The following TMEM132D variants were observed in gnomAD, a reference collection of about 807,000 sequenced individuals.
TMEM132D encodes transmembrane protein 132D.
Under a neutral mutation model 62.3 loss-of-function variants are expected in TMEM132D, and 21 were observed. The ratio of observed to expected loss-of-function variants is 0.34; its 90% confidence interval spans 0.24 to 0.49. The LOEUF (loss-of-function observed/expected upper bound fraction) is 0.49, where lower values mean the gene tolerates loss of function less well. Ranked by LOEUF, TMEM132D falls within the 20% of genes least tolerant of loss-of-function variation. The probability of loss-of-function intolerance (pLI) is 0.99; values close to 1 mark genes in which losing one functional copy is unlikely to be tolerated. For synonymous variants in TMEM132D, 621 were observed against 575.6 expected (o/e 1.08, Z -1.13); for missense variants, 1,346 against 1,402.8 (o/e 0.96, Z 0.65).
At chr12:129,201,814 G>C (rs1878711413) in intron 5 of TMEM132D, among the ~76,000 whole-genome samples, 1 of 152,012 alleles carries the variant, frequency 6.6e-6, no homozygotes, top group Admixed American at 6.6e-5. Context: ...GGAAGAGAGG[G>C]GATGTTCCGG....
At chr12:129,262,747 T>A (rs1420104388) in intron 4 of TMEM132D, 2 of 152,224 alleles carry the variant, frequency 1.3e-5, no homozygotes, top group Non-Finnish European at 2.9e-5. Flanking sequence ...TCTTTATTGC[T>A]ACTTTCAGCA....
intron 1 of TMEM132D, among the ~76,000 whole-genome samples, chr12:129,836,546 G>A (rs1873011509): frequency 6.6e-6 from 1 of 151,986 alleles, no homozygotes; most frequent in African/African-American, 2.4e-5. Context: ...CCCGAATACT[G>A]AGAGAATGTC....
chr12:129,397,189 A>T (rs761287316), intron 3 of TMEM132D, among the ~76,000 whole-genome samples: 2 of 152,212 alleles, frequency 1.3e-5, no homozygotes, highest in Non-Finnish European at 2.9e-5. Context: ...CTCTCTCAGA[A>T]CATCTCAACA....
intron 1 of TMEM132D, among the ~76,000 whole-genome samples, chr12:129,825,803 C>T (rs1872648400): frequency 6.6e-6 from 1 of 152,190 alleles, no homozygotes; most frequent in African/African-American, 2.4e-5. Context: ...GTGGCTCACG[C>T]CTCTGATTCC....
chr12:129,297,658 C>T (rs1188558805), intron 4 of TMEM132D, among the ~76,000 whole-genome samples: 6 of 152,142 alleles, frequency 3.9e-5, no homozygotes, highest in South Asian at 4.1e-4. Flanking sequence ...TACTTATCTG[C>T]GGCCAGGGCA....
rs1012569187 is a variant in TMEM132D, at chr12:129,099,802, CTTTATTTTTT to C, written c.1444-15110_1444-15101del. Among the ~76,000 whole-genome samples the C allele has an allele frequency of 4.7e-5, 6 of 127,666 alleles. 1 individual carries two copies. The highest frequency in any genetic ancestry group is 1.1e-4 in the African/African-American group (3 of 27,350). 83.8% of individuals were successfully genotyped at this position (127,666 alleles called of 152,430 possible). A position where few individuals can be genotyped will look rare whatever the true frequency, so the allele number is the denominator to read the frequency against. On this transcript the variant is annotated intron_variant, in intron 5 of 8. Coordinates refer to ENST00000422113, the MANE Select transcript of TMEM132D (RefSeq NM_133448.3). ...CCATTAAAAGTGGGAGCGAAACCCA[CTTTATTTTTT>C]TTTATTTTTTTTATTTTTATTTTTA...
At chr12:129,398,385 G>A (rs887006158) in intron 3 of TMEM132D, among the ~76,000 whole-genome samples, 1 of 152,318 alleles carries the variant, frequency 6.6e-6, no homozygotes, top group Admixed American at 6.5e-5. Flanking sequence ...GTCTAAAACT[G>A]TAGGGAGCAG....
intron 1 of TMEM132D, among the ~76,000 whole-genome samples, chr12:129,901,274 A>C (rs1430349693): frequency 6.6e-6 from 1 of 152,252 alleles, no homozygotes; most frequent in African/African-American, 2.4e-5. Context: ...AGAGAATCTT[A>C]GAGGGAGGTG....
intron 5 of TMEM132D, among the ~76,000 whole-genome samples, chr12:129,192,329 G>T (rs1333586001): frequency 2.6e-5 from 4 of 152,182 alleles, no homozygotes; most frequent in Non-Finnish European, 4.4e-5. Flanking sequence ...TCCAAAGTAA[G>T]AAGTGTATCA....
chr12:129,344,066 C>A (rs1026036604), intron 3 of TMEM132D, among the ~76,000 whole-genome samples: 4 of 152,206 alleles, frequency 2.6e-5, no homozygotes, highest in Non-Finnish European at 5.9e-5. Context: ...CTAGGGTGGA[C>A]GCCTTCCTCC....
intron 3 of TMEM132D, among the ~76,000 whole-genome samples, chr12:129,435,361 G>T (rs564286943): frequency 6.6e-6 from 1 of 152,168 alleles, no homozygotes; most frequent in African/African-American, 2.4e-5. Context: ...GATCTTACGG[G>T]CATACCATTT....
intron 3 of TMEM132D, among the ~76,000 whole-genome samples, chr12:129,410,856 A>G (rs1871948719): frequency 6.6e-6 from 1 of 152,218 alleles, no homozygotes. Context: ...TGACACCTTC[A>G]TGATATTAAG....
At chr12:129,741,617 G>A (rs1869611658) in intron 1 of TMEM132D, among the ~76,000 whole-genome samples, 1 of 152,184 alleles carries the variant, frequency 6.6e-6, no homozygotes, top group Admixed American at 6.5e-5. Flanking sequence ...AAGGGAAGAA[G>A]TGACCTCACT....
At chr12:129,401,876 AT>A (rs1246973694) in intron 3 of TMEM132D, among the ~76,000 whole-genome samples, 1 of 152,184 alleles carries the variant, frequency 6.6e-6, no homozygotes, top group Non-Finnish European at 1.5e-5. Context: ...ACGTGTAAAG[AT>A]TTGAATTGAT....
In TMEM132D at chr12:129,241,573, A is replaced by G. The variant is rs115760840; in HGVS notation, c.1300-31910T>C. ...TGGTTCCCTCCCATTCATCCTTTACATCTCTGATTAAGCACCACTTCCTTG... is the reference window on the plus strand; with the variant it reads ...TGGTTCCCTCCCATTCATCCTTTACGTCTCTGATTAAGCACCACTTCCTTG... On this transcript the variant is annotated intron_variant, in intron 4 of 8. Coordinates refer to ENST00000422113, the MANE Select transcript of TMEM132D (RefSeq NM_133448.3). 4.4e-3 allele frequency among the ~76,000 whole-genome samples: 662 copies of G among 152,174 alleles called. 4 individuals carry two copies. The highest frequency in any genetic ancestry group is 0.015 in the African/African-American group (631 of 41,522).
intron 5 of TMEM132D, among the ~76,000 whole-genome samples, chr12:129,189,593 G>A (rs1210823961): frequency 1.3e-5 from 2 of 152,152 alleles, no homozygotes; most frequent in Non-Finnish European, 2.9e-5. Flanking sequence ...TCCATCCGGA[G>A]GAAGGCTGGG....
intron 3 of TMEM132D, among the ~76,000 whole-genome samples, chr12:129,504,267 T>C (rs1207493461): frequency 3.3e-5 from 5 of 152,220 alleles, no homozygotes; most frequent in Non-Finnish European, 1.5e-5. Flanking sequence ...AGTCTATCGA[T>C]TTAGGGAGGA....
intron 5 of TMEM132D, among the ~76,000 whole-genome samples, chr12:129,183,357 C>T (rs1009816037): frequency 6.6e-6 from 1 of 152,166 alleles, no homozygotes; most frequent in Non-Finnish European, 1.5e-5. Context: ...CCTGCTCATC[C>T]GTCATTATCT....
At chr12:129,635,581 C>A (rs10773689) in intron 2 of TMEM132D, among the ~76,000 whole-genome samples, 59,761 of 152,100 alleles carry the variant, frequency 0.39, 11,865 homozygotes, top group East Asian at 0.49. Flanking sequence ...ACAGCTAACA[C>A]TGAAACCAGC....
Sources: allele counts gnomAD v4.1 joint callset (sites outside exome capture counted in the v4.1 genomes callset), GRCh38; gene constraint gnomAD v4.1.1; transcripts MANE v1.5; gene names NCBI Gene and HGNC (gene_info 2026-07-23, HGNC 2026-07-21).